Variants in FSHR observed in about 807,000 individuals in gnomAD.
FSHR encodes the protein follicle-stimulating hormone receptor.
FSHR carries 46 observed loss-of-function variants against 52.1 expected under a neutral mutation model. The observed-to-expected ratio is 0.88, with a 90% confidence interval of 0.70 to 1.13. The LOEUF (loss-of-function observed/expected upper bound fraction) is 1.13, where lower values mean the gene tolerates loss of function less well. Among genes scored for constraint, FSHR ranks in the 50% most tolerant of loss-of-function variants. The pLI, the probability that FSHR is intolerant of heterozygous loss-of-function variation, is 0.00. For missense variants in FSHR, 964 were observed against 834.6 expected (o/e 1.16, Z -1.91); for synonymous variants, 399 against 309.6 (o/e 1.29, Z -3.03).
At chr2:48,984,004 C>A (rs528507959) in intron 6 of FSHR, among the ~76,000 whole-genome samples, 2 of 152,020 alleles carry the variant, frequency 1.3e-5, no homozygotes, top group Non-Finnish European at 2.9e-5. Flanking sequence ...GAGCTTAGCC[C>A]GAAGAACCTC....
intron 2 of FSHR, among the ~76,000 whole-genome samples, chr2:49,063,272 C>T (rs1440549382): frequency 6.6e-6 from 1 of 152,068 alleles, no homozygotes; most frequent in Non-Finnish European, 1.5e-5. Context: ...TGAGTGTTTG[C>T]AGTAACAAAG....
chr2:49,069,224 CT>C lies in FSHR; in HGVS notation c.153-935del, dbSNP rs1669635251. Among the ~76,000 whole-genome samples, 3 of 152,218 alleles carry C rather than the reference CT, an allele frequency of 2.0e-5. No homozygotes were observed. The South Asian group carries it at 6.2e-4, about 32-fold the overall frequency. ...TTTTGACAACTACCCTTTGATCATCCTGGTCTTGCCGTGGTATCCTCTAAAA... is the reference window on the plus strand; with the variant it reads ...TTTTGACAACTACCCTTTGATCATCCGGTCTTGCCGTGGTATCCTCTAAAA... On this transcript the variant is annotated intron_variant, in intron 1 of 9. Coordinates refer to ENST00000406846, the MANE Select transcript of FSHR (RefSeq NM_000145.4).
intron 3 of FSHR, among the ~76,000 whole-genome samples, chr2:49,019,567 C>T (rs1466221223): frequency 6.6e-6 from 1 of 152,202 alleles, no homozygotes; most frequent in East Asian, 1.9e-4. Context: ...AGTCAGTATG[C>T]TAGATTTAAT....
intron 2 of FSHR, among the ~76,000 whole-genome samples, chr2:49,045,895 C>T (rs1038911972): frequency 6.6e-6 from 1 of 152,006 alleles, no homozygotes; most frequent in African/African-American, 2.4e-5. Context: ...CTTGGACACA[C>T]TTACTATTTT....
intron 2 of FSHR, among the ~76,000 whole-genome samples, chr2:49,046,705 G>A (rs115929082): frequency 4.5e-3 from 683 of 152,238 alleles, no homozygotes; most frequent in Non-Finnish European, 6.9e-3. Flanking sequence ...ATCAAATCAT[G>A]TCCTCATCTA....
intron 1 of FSHR, among the ~76,000 whole-genome samples, chr2:49,101,466 C>T (rs1012132382): frequency 2.6e-5 from 4 of 151,776 alleles, no homozygotes; most frequent in East Asian, 1.9e-4. Flanking sequence ...GACAAGGGTA[C>T]GATTATAGCT....
chr2:49,056,107 C>A (rs1294644387), intron 2 of FSHR, among the ~76,000 whole-genome samples: 1 of 151,866 alleles, frequency 6.6e-6, no homozygotes, highest in African/African-American at 2.4e-5. Context: ...AAGCAGATAA[C>A]AATTAATTGC....
At chr2:49,021,747 T>C (rs553946310) in intron 2 of FSHR, among the ~76,000 whole-genome samples, 2 of 150,656 alleles carry the variant, frequency 1.3e-5, no homozygotes, top group East Asian at 4.0e-4. Context: ...TCTTATTCCA[T>C]AATAACATCT....
At chr2:49,060,696 C>T (rs1669253907) in intron 2 of FSHR, among the ~76,000 whole-genome samples, 1 of 152,172 alleles carries the variant, frequency 6.6e-6, no homozygotes, top group South Asian at 2.1e-4. Flanking sequence ...AACTGAAATA[C>T]TCCACCCTAT....
At chr2:49,077,128 T>C (rs1669980143) in intron 1 of FSHR, among the ~76,000 whole-genome samples, 1 of 152,238 alleles carries the variant, frequency 6.6e-6, no homozygotes, top group Non-Finnish European at 1.5e-5. Flanking sequence ...CCTTCCATAC[T>C]GCCCTAGCAG....
chr2:48,999,814 G>T (rs2882157), intron 4 of FSHR, among the ~76,000 whole-genome samples: 119,064 of 151,964 alleles, frequency 0.78, 46,755 homozygotes, highest in Admixed American at 0.84. Flanking sequence ...GGAAATAGTC[G>T]GCTGGCTTTC....
At chr2:49,131,984 G>A (rs1027047943) in intron 1 of FSHR, among the ~76,000 whole-genome samples, 3 of 152,110 alleles carry the variant, frequency 2.0e-5, no homozygotes, top group Non-Finnish European at 2.9e-5. Context: ...CTATCCTTAT[G>A]TTATCACGTG....
chr2:49,003,171 C>T (rs892198885), intron 4 of FSHR, among the ~76,000 whole-genome samples: 5 of 152,124 alleles, frequency 3.3e-5, no homozygotes, highest in African/African-American at 1.2e-4. Context: ...TTTTGTGGAG[C>T]ATTTTTCACT....
intron 1 of FSHR, among the ~76,000 whole-genome samples, chr2:49,148,904 CA>C (rs912766896): frequency 1.3e-5 from 2 of 151,804 alleles, no homozygotes; most frequent in Non-Finnish European, 2.9e-5. Context: ...ACTGGGAAAT[CA>C]CAACATGGTG....
intron 2 of FSHR, among the ~76,000 whole-genome samples, chr2:49,032,804 G>A (rs1668145480): frequency 6.6e-6 from 1 of 152,134 alleles, no homozygotes; most frequent in Admixed American, 6.5e-5. Context: ...CTGGTGTTAT[G>A]GATCCTATCC....
intron 6 of FSHR, 43 bp from the exon 7 acceptor site, chr2:48,983,209 A>C: frequency 6.4e-7 from 1 of 1,560,840 alleles, no homozygotes. Flanking sequence ...TGTCAGATGC[A>C]AACAATACAC....
intron 6 of FSHR, among the ~76,000 whole-genome samples, chr2:48,986,152 T>C (rs1394631837): frequency 6.6e-6 from 1 of 152,186 alleles, no homozygotes; most frequent in Non-Finnish European, 1.5e-5. Flanking sequence ...GTAGGCCCCA[T>C]TGTCTGTTGT....
chr2:49,082,952 C>T (rs1169090106), intron 1 of FSHR, among the ~76,000 whole-genome samples: 6 of 151,942 alleles, frequency 3.9e-5, no homozygotes, highest in Middle Eastern at 3.4e-3. Flanking sequence ...CTTCCCCAAT[C>T]GAGCAAGGCA....
chr2:49,039,991 AAAAAT>A (rs1668424501), intron 2 of FSHR, among the ~76,000 whole-genome samples: 1 of 152,074 alleles, frequency 6.6e-6, no homozygotes, highest in African/African-American at 2.4e-5. Context: ...CTTAATTGTG[AAAAAT>A]AAAATCTGAA....
Sources: allele counts gnomAD v4.1 joint callset (sites outside exome capture counted in the v4.1 genomes callset), GRCh38; gene constraint gnomAD v4.1.1; transcripts MANE v1.5; gene names NCBI Gene and HGNC (gene_info 2026-07-23, HGNC 2026-07-21).